SRD5A1: variants seen among roughly 807,000 people sequenced by gnomAD.
SRD5A1 encodes the protein 3-oxo-5-alpha-steroid 4-dehydrogenase 1.
A neutral mutation model predicts 28.2 loss-of-function variants in SRD5A1; 22 were observed. The ratio of observed to expected loss-of-function variants is 0.78; its 90% CI spans 0.56 to 1.12. The LOEUF (loss-of-function observed/expected upper bound fraction) is 1.12. SRD5A1 is among the 50% of genes most tolerant of loss of function. The probability of loss-of-function intolerance (pLI) is 0.00; values close to 1 mark genes in which losing one functional copy is unlikely to be tolerated. For synonymous variants in SRD5A1, 151 were observed against 135.0 expected (o/e 1.12, Z -0.82); for missense variants, 300 against 346.7 (o/e 0.87, Z 1.07).
intron 1 of SRD5A1, among the ~76,000 whole-genome samples, chr5:6,648,754 C>A (rs1459842132): frequency 6.6e-6 from 1 of 152,196 alleles, no homozygotes; most frequent in African/African-American, 2.4e-5. Flanking sequence ...CCTTCTGAAG[C>A]CTACTTCTGT....
At position 6,633,449 on chromosome 5, in the gene SRD5A1, A is replaced by T; in HGVS notation, c.-128A>T. On this transcript the variant is annotated 5_prime_UTR_variant, in exon 1 of 5. Coordinates refer to ENST00000274192, the MANE Select transcript of SRD5A1 (RefSeq NM_001047.4). ...AGCCTGACTTGAGAACCCTTTCTGC[A>T]GAGTCCCGGCAGTGCGGGACTCCGG... The T allele has an allele frequency of 9.1e-7, 1 of 1,094,900 alleles. No homozygotes were observed. Among genetic ancestry groups the T allele is most frequent in the Non-Finnish European group, 1.2e-6 (1 of 818,300 alleles). 67.8% of individuals were successfully genotyped at this position (1,094,900 alleles called of 1,614,324 possible).
chr5:6,651,691 T>C, intron 1 of SRD5A1, 151 bp from the exon 2 acceptor site: 1 of 767,272 alleles, frequency 1.3e-6, no homozygotes, highest in South Asian at 2.2e-5. Flanking sequence ...AATCCACTTT[T>C]AGCTTAGATA....
chr5:6,637,937 G>T (rs1275090944), intron 1 of SRD5A1, among the ~76,000 whole-genome samples: 6 of 152,226 alleles, frequency 3.9e-5, no homozygotes, highest in Non-Finnish European at 7.3e-5. Context: ...CTCCTGTGGG[G>T]AGCCTAGCCC....
intron 1 of SRD5A1, among the ~76,000 whole-genome samples, chr5:6,647,346 T>A (rs1387013127): frequency 1.3e-5 from 2 of 152,222 alleles, no homozygotes; most frequent in African/African-American, 4.8e-5. Context: ...ATTTTCTGTC[T>A]CATTGATCTG....
chr5:6,666,390 T>C (rs939629199), intron 4 of SRD5A1, among the ~76,000 whole-genome samples: 19 of 152,176 alleles, frequency 1.2e-4, no homozygotes, highest in South Asian at 2.1e-4. Context: ...CCTCGTGATT[T>C]GCCCGCCTCA....
At chr5:6,641,695 GT>G (rs1240800969) in intron 1 of SRD5A1, among the ~76,000 whole-genome samples, 4 of 152,224 alleles carry the variant, frequency 2.6e-5, no homozygotes, top group Non-Finnish European at 4.4e-5. Context: ...AGTCCTTGCA[GT>G]TCTCAGACAT....
At chr5:6,652,897 A>T (rs1410706932) in intron 2 of SRD5A1, among the ~76,000 whole-genome samples, 1 of 148,954 alleles carries the variant, frequency 6.7e-6, no homozygotes, top group African/African-American at 2.5e-5. Flanking sequence ...AAAAAAACTC[A>T]GGGATCTTAT....
At chr5:6,661,658 G>A (rs758042826) in intron 3 of SRD5A1, among the ~76,000 whole-genome samples, 6 of 148,042 alleles carry the variant, frequency 4.1e-5, no homozygotes, top group Non-Finnish European at 8.9e-5. Flanking sequence ...TCAGCCTCCC[G>A]AGTAGCTGGG....
chr5:6,666,395 G>T lies in SRD5A1; in HGVS notation c.714-1807G>T, dbSNP rs191234352. 3.9e-5 allele frequency among the ~76,000 whole-genome samples: 6 copies of T among 152,206 alleles called. No individual in the cohort carries two copies. The East Asian group carries it at 7.7e-4, about 20-fold the overall frequency. ...GATCTCCTGACCTCGTGATTTGCCC[G>T]CCTCAGCCTCCCAAAGCACTGGAAT... On this transcript the variant is annotated intron_variant, in intron 4 of 4. Coordinates refer to ENST00000274192, the MANE Select transcript of SRD5A1 (RefSeq NM_001047.4).
chr5:6,651,935 T>C lies in SRD5A1; in HGVS notation c.387T>C (p.Tyr129=). 6.2e-7 allele frequency: 1 copy of C among 1,614,150 alleles called. No homozygotes were observed. The highest frequency in any genetic ancestry group is 8.5e-7 in the Non-Finnish European group (1 of 1,179,980). The change falls in exon 2 of 5, where the codon TAT becomes TAC. Residue 129 remains tyrosine (Y), a synonymous_variant. Transcript: ENST00000274192. ...MAIMFCTCNG[Y]LQSRYLSHCA... ...TTATGTTCTGTACCTGTAACGGCTA[T>C]TTGCAAAGCAGATACTTGAGCCATT...
chr5:6,656,274 G>A (rs1363025800), intron 3 of SRD5A1, 95 bp downstream of exon 3: 1 of 900,012 alleles, frequency 1.1e-6, no homozygotes, highest in African/African-American at 1.7e-5. Context: ...TAGCGTAGTA[G>A]TTATTAGCTA....
At position 6,672,728 on chromosome 5, in the gene SRD5A1, A is replaced by C. The variant is rs149781828; in HGVS notation, c.*4460A>C. The C allele has an allele frequency of 2.0e-5, 3 of 152,338 alleles. No homozygotes were observed. The highest frequency in any genetic ancestry group is 2.0e-4 in the Admixed American group (3 of 15,304). The allele number at this position is 152,338 out of a possible 1,614,324, so 9.4% of individuals were successfully genotyped here. Reference sequence around the variant, plus strand: ...TGTGATTGACATGGTATACCTTAAGATATATGTTAATTCCTATGTCTTAAT... The same window carrying C: ...TGTGATTGACATGGTATACCTTAAGCTATATGTTAATTCCTATGTCTTAAT... On this transcript the variant is annotated 3_prime_UTR_variant, in exon 5 of 5. Transcript: ENST00000274192.
In SRD5A1 at chr5:6,672,749, T is replaced by C. The variant is rs961034717; in HGVS notation, c.*4481T>C. 1.3e-5 allele frequency: 2 copies of C among 152,214 alleles called. No individual in the cohort carries two copies. The highest frequency in any genetic ancestry group is 4.8e-5 in the African/African-American group (2 of 41,448). The allele number at this position is 152,214 out of a possible 1,614,324, so 9.4% of individuals were successfully genotyped here. ...TAAGATATATGTTAATTCCTATGTC[T>C]TAATAAATATTGGCTTATGGAGAAT... is the stretch of plus-strand genomic sequence containing the variant. On this transcript the variant is annotated 3_prime_UTR_variant, in exon 5 of 5. Transcript: ENST00000274192.
intron 2 of SRD5A1, among the ~76,000 whole-genome samples, chr5:6,652,484 T>C (rs1000089723): frequency 6.6e-6 from 1 of 152,194 alleles, no homozygotes; most frequent in African/African-American, 2.4e-5. Flanking sequence ...TTAATGTGAA[T>C]TAATGTACAT....
rs3996846 is a variant in SRD5A1, at chr5:6,661,394, C to CAAA, written c.563-1408_563-1406dup. ...CATCCCTACTAAAAATACAAAACTC[C>CAAA]AAAAAAAAAAAAAAAAGGTAGCCAA... On this transcript the variant is annotated intron_variant, in intron 3 of 4. Coordinates refer to ENST00000274192, the MANE Select transcript of SRD5A1 (RefSeq NM_001047.4). Among the ~76,000 whole-genome samples, 57 of 128,420 alleles carry CAAA rather than the reference C, an allele frequency of 4.4e-4. 1 individual carries two copies. The highest frequency in any genetic ancestry group is 1.0e-3 in the Admixed American group (13 of 12,500). 84.2% of individuals were successfully genotyped at this position (128,420 alleles called of 152,430 possible).
intron 4 of SRD5A1, 141 bp downstream of exon 4, chr5:6,663,107 C>T (rs746128525): frequency 5.7e-5 from 58 of 1,023,724 alleles, no homozygotes; most frequent in Middle Eastern, 6.0e-4. Context: ...AGTACAAAAC[C>T]AAATAGCTGT....
chr5:6,662,846 A>G lies in SRD5A1; in HGVS notation c.593A>G (p.Asn198Ser). Residue 198 changes from asparagine to serine, a missense_variant, in exon 4 of 5, where the codon AAC becomes AGC. By Grantham distance (46) the Asn-to-Ser change is conservative (BLOSUM62 1). Around this residue, in one of 2 missense-constraint regions of SRD5A1, gnomAD observed 126 missense variants for 185.7 expected, o/e 0.68. Coordinates refer to ENST00000274192, the MANE Select transcript of SRD5A1 (RefSeq NM_001047.4). The part of the protein sequence containing the change: ...GGLFEYVTAA[N>S]YFGEIMEWCG... ...TTATTTGAATACGTAACTGCAGCCA[A>G]CTATTTTGGAGAAATCATGGAGTGG... 6.2e-7 allele frequency: 1 copy of G among 1,612,686 alleles called. No homozygotes were observed. The highest frequency in any genetic ancestry group is 8.5e-7 in the Non-Finnish European group (1 of 1,180,006).
chr5:6,667,815 A>G (rs1739231222), intron 4 of SRD5A1, among the ~76,000 whole-genome samples: 1 of 152,190 alleles, frequency 6.6e-6, no homozygotes. Flanking sequence ...TGCAGGCTGG[A>G]GAAAACTGCT....
chr5:6,668,957 C>T lies in SRD5A1; in HGVS notation c.*689C>T, dbSNP rs528905125. On this transcript the variant is annotated 3_prime_UTR_variant, in exon 5 of 5. Transcript: ENST00000274192. ...GTTCATACGGAGTAAGCTGCTCTGC[C>T]TGTGTGAGTGGCTCCTGGGCCCTAA... is the stretch of plus-strand genomic sequence containing the variant. 3 of 152,434 alleles carry T rather than the reference C, an allele frequency of 2.0e-5. No individual in the cohort carries two copies. The highest frequency in any genetic ancestry group is 1.3e-4 in the Admixed American group (2 of 15,304). 9.4% of individuals were successfully genotyped at this position (152,434 alleles called of 1,614,324 possible). A position where few individuals can be genotyped will look rare whatever the true frequency, so the allele number is the denominator to read the frequency against.
Sources: allele counts gnomAD v4.1 joint callset (sites outside exome capture counted in the v4.1 genomes callset), GRCh38; gene constraint gnomAD v4.1.1; regional missense constraint gnomAD v4.1.1; transcripts MANE v1.5; gene names NCBI Gene and HGNC (gene_info 2026-07-23, HGNC 2026-07-21).